Variants in MRGPRF observed in about 807,000 individuals in gnomAD.
The protein encoded by MRGPRF is mas-related G protein-coupled receptor member F.
A neutral mutation model predicts 3.3 loss-of-function variants in MRGPRF; 2 were observed. The ratio of observed to expected loss-of-function variants is 0.61; its 90% CI spans 0.25 to 1.92. MRGPRF has a LOEUF of 1.92. Among genes scored for constraint, MRGPRF ranks in the 40% most tolerant of loss-of-function variants. The pLI is 0.16. For missense variants in MRGPRF, 500 were observed against 476.0 expected (o/e 1.05, Z -0.47); for synonymous variants, 242 against 222.7 (o/e 1.09, Z -0.77).
chr11:69,006,327 G>GGACACCTGTGAT, intron 2 of MRGPRF, 66 bp from the exon 3 acceptor site: 1 of 1,470,938 alleles, frequency 6.8e-7, no homozygotes, highest in Non-Finnish European at 8.9e-7. Context: ...CTGCATCTGG[G>GGACACCTGTGAT]GCCCAGCGTG....
Position 69,005,706 on chromosome 11 carries a change from C to G in MRGPRF, c.604G>C (p.Gly202Arg), listed in dbSNP as rs1220079736. ...CAGCAGAGCAGGAACAGGAGGATGC[C>G]CAGGAAGATGTCCATGTGCCTGCAG... ...AACRHMDIFL[G>R]ILLFLLCCPL... The change falls in exon 3 of 3, where the codon GGC becomes CGC. Residue 202 changes from glycine to arginine, a missense_variant. Coordinates refer to ENST00000309099, the MANE Select transcript of MRGPRF (RefSeq NM_145015.5). 1 of 1,550,824 alleles carries G rather than the reference C, an allele frequency of 6.4e-7. No individual in the cohort carries two copies. Among genetic ancestry groups the G allele is most frequent in the Non-Finnish European group, 8.7e-7 (1 of 1,146,974 alleles).
rs1363806335 is a variant in MRGPRF at position 69,004,818 on chromosome 11, T to G, written c.*460A>C. On this transcript the variant is annotated 3_prime_UTR_variant, in exon 3 of 3. Transcript: ENST00000309099. ...GAACTTTCTTCCAGACACCATTTCC[T>G]TCACATTTGCTCACTGATAATGCCT... 6.3e-6 allele frequency: 1 copy of G among 157,896 alleles called. No homozygotes were observed. Among genetic ancestry groups the G allele is most frequent in the African/African-American group, 2.4e-5 (1 of 41,670 alleles). The allele number at this position is 157,896 out of a possible 1,614,324, so 9.8% of individuals were successfully genotyped here.
chr11:69,009,814 C>G (rs556688255), intron 2 of MRGPRF, 40 bp downstream of exon 2: 3 of 1,600,010 alleles, frequency 1.9e-6, no homozygotes, highest in South Asian at 2.2e-5. Flanking sequence ...CACCCACACC[C>G]GTCTGGGCAA....
At position 69,005,499 on chromosome 11, in the gene MRGPRF, AG is replaced by A; in HGVS notation, c.810del (p.Phe271SerfsTer152). 6.3e-7 allele frequency: 1 copy of A among 1,581,202 alleles called. No homozygotes were observed. Among genetic ancestry groups the A allele is most frequent in the Non-Finnish European group, 8.6e-7 (1 of 1,163,816 alleles). On this transcript the variant is annotated frameshift_variant, in exon 3 of 3. Transcript: ENST00000309099. LOFTEE classifies it high-confidence loss of function. ...FLFWVFQIPA[P>X]FPEYVTDLCI... ...CACAGGTCAGTGACGTACTCGGGGA[AG>A]GGGGCCGGGATCTGGAAGACCCAGA...
chr11:69,010,020 C>T, intron 1 of MRGPRF, 63 bp from the exon 2 acceptor site: 1 of 1,141,756 alleles, frequency 8.8e-7, no homozygotes, highest in Non-Finnish European at 1.2e-6. Context: ...TCCTGGACCC[C>T]CGTGCCTAGG....
At chr11:69,012,488 A>G (rs1398206103) in intron 1 of MRGPRF, 2 of 152,312 alleles carry the variant, frequency 1.3e-5, no homozygotes, top group Non-Finnish European at 2.9e-5. Flanking sequence ...CTTGCAGATC[A>G]TTCCAGGAGC....
intron 2 of MRGPRF, 122 bp from the exon 3 acceptor site, chr11:69,006,383 T>A: frequency 8.2e-7 from 1 of 1,212,480 alleles, no homozygotes; most frequent in Non-Finnish European, 1.1e-6. Flanking sequence ...AGGGAGGGGG[T>A]CTGTAAGGCA....
chr11:69,007,474 C>T (rs1445345615), intron 2 of MRGPRF, among the ~76,000 whole-genome samples: 1 of 152,202 alleles, frequency 6.6e-6, no homozygotes, highest in Non-Finnish European at 1.5e-5. Flanking sequence ...TCCCAAAGTG[C>T]TGGGATTAGA....
chr11:69,010,342 A>C (rs935697606), intron 1 of MRGPRF, among the ~76,000 whole-genome samples: 54 of 152,234 alleles, frequency 3.5e-4, no homozygotes, highest in African/African-American at 1.2e-3. Context: ...GTTTCCCAGC[A>C]ATCGGTCCCA....
At position 69,005,317 on chromosome 11, in the gene MRGPRF, G is replaced by T; in HGVS notation, c.993C>A (p.Val331=). The T allele has an allele frequency of 6.5e-7, 1 of 1,543,052 alleles. No homozygotes were observed. The change falls in exon 3 of 3, where the codon GTC becomes GTA. Residue 331 remains valine (V), a synonymous_variant. Coordinates refer to ENST00000309099, the MANE Select transcript of MRGPRF (RefSeq NM_145015.5). ...CCGGGGGACACTGCATCTCCATGGT[G>T]ACTGTGTTGGGCGTGCTGCCCCCGG... ...GEAGGSTPNT[V]TMEMQCPPGN...
chr11:69,005,683 G>C lies in MRGPRF; in HGVS notation c.627C>G (p.Cys209Trp). The C allele has an allele frequency of 6.4e-7, 1 of 1,551,406 alleles. No homozygotes were observed. Among genetic ancestry groups the C allele is most frequent in the Non-Finnish European group, 8.7e-7 (1 of 1,147,238 alleles). ...GGCAGGGCAGCACCATGAGCGGGCA[G>C]CAGAGCAGGAACAGGAGGATGCCCA... The part of the protein sequence containing the change: ...IFLGILLFLL[C>W]CPLMVLPCLA... The change falls in exon 3 of 3, where the codon TGC becomes TGG. Residue 209 changes from cysteine to tryptophan, a missense_variant. By Grantham distance (215) the Cys-to-Trp change is radical (BLOSUM62 -2). Transcript: ENST00000309099.
intron 1 of MRGPRF, among the ~76,000 whole-genome samples, chr11:69,011,141 C>G (rs950417064): frequency 3.9e-5 from 6 of 152,100 alleles, no homozygotes; most frequent in Admixed American, 1.3e-4. Flanking sequence ...GCCACGTGCC[C>G]CCGCCCGCCG....
chr11:69,009,156 T>C (rs1481120932), intron 2 of MRGPRF, among the ~76,000 whole-genome samples: 1 of 152,228 alleles, frequency 6.6e-6, no homozygotes, highest in Non-Finnish European at 1.5e-5. Context: ...AGGGCTGGGC[T>C]GGAGTTGCCA....
Position 69,010,034 on chromosome 11 carries a change from C to G in MRGPRF, c.-56-77G>C. On this transcript the variant is annotated intron_variant, in intron 1 of 2. Transcript: ENST00000309099. ...TTCCTGGACCCCCGTGCCTAGGCCCCCAAGGCCTGTGGCTCTCAGCCATCA... is the reference window on the plus strand; with the variant it reads ...TTCCTGGACCCCCGTGCCTAGGCCCGCAAGGCCTGTGGCTCTCAGCCATCA... 12 of 931,378 alleles carry G rather than the reference C, an allele frequency of 1.3e-5. 1 individual carries two copies. Among genetic ancestry groups the G allele is most frequent in the Non-Finnish European group, 1.9e-5 (12 of 630,414 alleles). The allele number at this position is 931,378 out of a possible 1,614,324, so 57.7% of individuals were successfully genotyped here. A position where few individuals can be genotyped will look rare whatever the true frequency, so the allele number is the denominator to read the frequency against.
rs759601454 is a variant in MRGPRF, at chr11:69,005,409, G to A, written c.901C>T (p.Arg301Trp). The change falls in exon 3 of 3, where the codon CGG becomes TGG. Residue 301 changes from arginine to tryptophan, a missense_variant. Arg to Trp is a moderately radical substitution (Grantham distance 101, BLOSUM62 -3). Transcript: ENST00000309099. The part of the protein sequence containing the change: ...YFLAGRDKSQ[R>W]LWEPLRVVFQ... The stretch of plus-strand genomic sequence containing the variant: ...ACCACCCTGAGCGGCTCCCACAGCC[G>A]CTGCGACTTGTCCCTCCCGGCCAGG... 11 of 1,581,434 alleles carry A rather than the reference G, an allele frequency of 7.0e-6. No homozygotes were observed. The Admixed American group carries it at 1.1e-4, about 16-fold the overall frequency.
upstream of MRGPRF, chr11:69,013,308 G>C (rs1860644348): frequency 6.6e-6 from 1 of 152,494 alleles, no homozygotes; most frequent in South Asian, 2.1e-4. Flanking sequence ...GGGAGGGGGA[G>C]GGGAGTAGGA....
Position 69,009,958 on chromosome 11 carries a change from C to T in MRGPRF, c.-56-1G>A. The T allele has an allele frequency of 6.4e-7, 1 of 1,558,004 alleles. No homozygotes were observed. Among genetic ancestry groups the T allele is most frequent in the East Asian group, 2.2e-5 (1 of 44,726 alleles). On this transcript the variant is annotated splice_acceptor_variant, in intron 1 of 2. Coordinates refer to ENST00000309099, the MANE Select transcript of MRGPRF (RefSeq NM_145015.5). LOFTEE classifies it low-confidence loss of function (5UTR_SPLICE). ...GCAGCTCACCAGTCTGCACACCCAC[C>T]TGGCAGAAGCCCAGAGAGAGGGTGG...
rs747885460 is a variant in MRGPRF, at chr11:69,005,311, C to T, written c.999G>A (p.Met333Ile). The T allele has an allele frequency of 2.6e-6, 4 of 1,538,442 alleles. No individual in the cohort carries two copies. Among genetic ancestry groups the T allele is most frequent in the Non-Finnish European group, 2.6e-6 (3 of 1,146,764 alleles). ...CGTTCCCCGGGGGACACTGCATCTC[C>T]ATGGTGACTGTGTTGGGCGTGCTGC... is the stretch of plus-strand genomic sequence containing the variant. ...AGGSTPNTVT[M>I]EMQCPPGNAS Residue 333 changes from methionine to isoleucine, a missense_variant, in exon 3 of 3, where the codon ATG (methionine) becomes ATA (isoleucine). Coordinates refer to ENST00000309099, the MANE Select transcript of MRGPRF (RefSeq NM_145015.5).
At chr11:69,013,618 CAG>C (rs563911618), upstream of MRGPRF, among the ~76,000 whole-genome samples, 714 of 152,338 alleles carry the variant, frequency 4.7e-3, 7 homozygotes, top group Middle Eastern at 6.8e-3. Context: ...TTAATTTACT[CAG>C]GGGCTGATAC....
Sources: allele counts gnomAD v4.1 joint callset (sites outside exome capture counted in the v4.1 genomes callset), GRCh38; gene constraint gnomAD v4.1.1; transcripts MANE v1.5; gene names NCBI Gene and HGNC (gene_info 2026-07-23, HGNC 2026-07-21).